HELT: variants seen among roughly 807,000 people sequenced by gnomAD.
HELT encodes the protein helt bHLH transcription factor.
In HELT, 9 loss-of-function variants were observed where a neutral mutation model predicts 19.5. The ratio of observed to expected loss-of-function variants is 0.46; its 90% CI spans 0.28 to 0.80. The LOEUF (loss-of-function observed/expected upper bound fraction) is 0.80. Ranked by LOEUF, HELT falls within the 30% of genes least tolerant of loss-of-function variation. The pLI is 0.12. For missense variants in HELT, 366 were observed against 326.3 expected (o/e 1.12, Z -0.94); for synonymous variants, 162 against 148.3 (o/e 1.09, Z -0.67).
At position 185,020,285 on chromosome 4, in the gene HELT, C is replaced by T; in HGVS notation, c.242C>T (p.Ala81Val). The T allele has an allele frequency of 6.2e-7, 1 of 1,613,404 alleles. No homozygotes were observed. The highest frequency in any genetic ancestry group is 8.5e-7 in the Non-Finnish European group (1 of 1,179,442). Residue 81 changes from alanine to valine, a missense_variant, in exon 4 of 4, where the codon GCG (alanine) becomes GTG (valine). Ala to Val is a moderately conservative substitution (Grantham distance 64, BLOSUM62 0). Transcript: ENST00000515777. Reference sequence around the variant, plus strand: ...CTCGTTCCTCCAGCAGAACTTCTAGCGGAGTTTGCCAACTACTTCCACTAT... The same window carrying T: ...CTCGTTCCTCCAGCAGAACTTCTAGTGGAGTTTGCCAACTACTTCCACTAT... ...PRGREKAELL[A>V]EFANYFHYGY... is the part of the protein sequence containing the mutation.
chr4:185,019,022 C>A, intron 1 of HELT, 67 bp downstream of exon 1: 1 of 1,614,052 alleles, frequency 6.2e-7, no homozygotes, highest in Non-Finnish European at 8.5e-7. Flanking sequence ...ACCGACCCGC[C>A]ACTTGGGTGG....
chr4:185,020,232 C>T (rs764719013), intron 3 of HELT, 41 bp from the exon 4 acceptor site: 3 of 1,590,742 alleles, frequency 1.9e-6, no homozygotes, highest in Admixed American at 1.7e-5. Context: ...GGAAGGGGCA[C>T]TCAGGGTGTG....
At position 185,020,313 on chromosome 4, in the gene HELT, C is replaced by T. The variant is rs761070823; in HGVS notation, c.270C>T (p.Gly90=). Residue 90 remains glycine, a synonymous_variant, in exon 4 of 4, where the codon GGC becomes GGT. Transcript: ENST00000515777. ...AGTTTGCCAACTACTTCCACTATGGCTACCACGAGTGCATGAAGAACCTGG... is the reference window on the plus strand; with the variant it reads ...AGTTTGCCAACTACTTCCACTATGGTTACCACGAGTGCATGAAGAACCTGG... ...LAEFANYFHY[G]YHECMKNLVH... is the part of the protein sequence containing the mutation. 6.2e-7 allele frequency: 1 copy of T among 1,614,204 alleles called. No homozygotes were observed. Among genetic ancestry groups the T allele is most frequent in the Non-Finnish European group, 8.5e-7 (1 of 1,180,034 alleles).
chr4:185,020,209 T>A, intron 3 of HELT, 64 bp from the exon 4 acceptor site: 1 of 1,570,680 alleles, frequency 6.4e-7, no homozygotes, highest in East Asian at 2.2e-5. Context: ...GCACCCGCTT[T>A]GGGCTCGCGT....
chr4:185,020,218 G>A (rs1734029532), intron 3 of HELT, 55 bp from the exon 4 acceptor site: 6 of 1,576,954 alleles, frequency 3.8e-6, no homozygotes, highest in Middle Eastern at 1.9e-4. Flanking sequence ...TTGGGCTCGC[G>A]TGGGGAAGGG....
intron 1 of HELT, 192 bp downstream of exon 1, chr4:185,019,147 G>A: frequency 6.5e-7 from 1 of 1,531,056 alleles, no homozygotes; most frequent in Non-Finnish European, 8.8e-7. Flanking sequence ...AGTCCTGCCT[G>A]GAGGCTGGCG....
Position 185,018,800 on chromosome 4 carries a change from C to G in HELT, c.-129C>G. Reference sequence around the variant, plus strand: ...GAATGCATCTGGAGCCCTAGATGACCGCTTTATAAGGCAGCCCTCGGAGTT... The same window carrying G: ...GAATGCATCTGGAGCCCTAGATGACGGCTTTATAAGGCAGCCCTCGGAGTT... On this transcript the variant is annotated 5_prime_UTR_variant, in exon 1 of 4. Transcript: ENST00000515777. 1.1e-6 allele frequency: 1 copy of G among 905,356 alleles called. No individual in the cohort carries two copies. The highest frequency in any genetic ancestry group is 1.9e-5 in the South Asian group (1 of 54,012). 56.1% of individuals were successfully genotyped at this position (905,356 alleles called of 1,614,324 possible).
At chr4:185,019,901 C>A in intron 3 of HELT, 58 bp downstream of exon 3, 1 of 1,468,136 alleles carries the variant, frequency 6.8e-7, no homozygotes. Flanking sequence ...ACCCAGAGAC[C>A]CTGGGGCTGG....
At chr4:185,019,594 G>A in intron 2 of HELT, 103 bp downstream of exon 2, 2 of 1,563,520 alleles carry the variant, frequency 1.3e-6, no homozygotes, top group South Asian at 1.2e-5. Flanking sequence ...TCACTTGCGG[G>A]CCCCTCCCAG....
At chr4:185,019,673 T>C (rs568935673) in intron 2 of HELT, 74 bp from the exon 3 acceptor site, 2 of 1,610,734 alleles carry the variant, frequency 1.2e-6, no homozygotes, top group South Asian at 1.1e-5. Context: ...GTCCGCTCGC[T>C]GGTCCTCTCC....
Position 185,018,738 on chromosome 4 carries a change from C to A in HELT, c.-191C>A. 2 of 454,106 alleles carry A rather than the reference C, an allele frequency of 4.4e-6. No homozygotes were observed. The highest frequency in any genetic ancestry group is 3.4e-5 in the East Asian group (1 of 29,184). The allele number at this position is 454,106 out of a possible 1,614,324, so 28.1% of individuals were successfully genotyped here. On this transcript the variant is annotated 5_prime_UTR_variant, in exon 1 of 4. Transcript: ENST00000515777. ...ATCTTGAATGCATACATCCTCCAAACGCAGCTCCCCTAATCCTATGGAATA... is the reference window on the plus strand; with the variant it reads ...ATCTTGAATGCATACATCCTCCAAAAGCAGCTCCCCTAATCCTATGGAATA...
Position 185,020,622 on chromosome 4 carries a change from C to T in HELT, c.579C>T (p.Ser193=), listed in dbSNP as rs764420239. The T allele has an allele frequency of 1.9e-6, 3 of 1,601,416 alleles. No individual in the cohort carries two copies. Among genetic ancestry groups the T allele is most frequent in the Non-Finnish European group, 2.5e-6 (3 of 1,178,346 alleles). ...ARSPALPYLP[S]APVPLASPAQ... Reference sequence around the variant, plus strand: ...GCCCCGCGCTGCCCTACCTGCCCAGCGCGCCAGTGCCGCTCGCTAGCCCAG... The same window carrying T: ...GCCCCGCGCTGCCCTACCTGCCCAGTGCGCCAGTGCCGCTCGCTAGCCCAG... The change falls in exon 4 of 4, where the codon AGC becomes AGT. Residue 193 remains serine (S), a synonymous_variant. Coordinates refer to ENST00000515777, the MANE Select transcript of HELT (RefSeq NM_001300781.2).
At chr4:185,020,245 C>G (rs1180938307) in intron 3 of HELT, 28 bp from the exon 4 acceptor site, 10 of 1,600,610 alleles carry the variant, frequency 6.2e-6, no homozygotes, top group South Asian at 1.1e-5. Context: ...AGGGTGTGTC[C>G]GTCCTACGGG....
chr4:185,018,895 C>T lies in HELT; in HGVS notation c.-34C>T. On this transcript the variant is annotated 5_prime_UTR_variant, in exon 1 of 4. Coordinates refer to ENST00000515777, the MANE Select transcript of HELT (RefSeq NM_001300781.2). Reference sequence around the variant, plus strand: ...CGGAAAAGTGGACGGGTGCCCCGCGCCACCGCCTCTCCCGAGGGCGCGTAC... The same window carrying T: ...CGGAAAAGTGGACGGGTGCCCCGCGTCACCGCCTCTCCCGAGGGCGCGTAC... 1 of 1,552,398 alleles carries T rather than the reference C, an allele frequency of 6.4e-7. No individual in the cohort carries two copies. The highest frequency in any genetic ancestry group is 8.7e-7 in the Non-Finnish European group (1 of 1,143,452).
In HELT at chr4:185,020,326, A is replaced by C; in HGVS notation, c.283A>C (p.Met95Leu). The C allele has an allele frequency of 6.2e-7, 1 of 1,614,206 alleles. No individual in the cohort carries two copies. The highest frequency in any genetic ancestry group is 8.5e-7 in the Non-Finnish European group (1 of 1,180,038). The change falls in exon 4 of 4, where the codon ATG becomes CTG. Residue 95 changes from methionine to leucine, a missense_variant. Transcript: ENST00000515777. ...CTTCCACTATGGCTACCACGAGTGC[A>C]TGAAGAACCTGGTGCATTACCTCAC... The part of the protein sequence containing the change: ...NYFHYGYHEC[M>L]KNLVHYLTTV...
chr4:185,020,304 C>T lies in HELT; in HGVS notation c.261C>T (p.Phe87=). Residue 87 remains phenylalanine, a synonymous_variant, in exon 4 of 4, where the codon TTC becomes TTT. Transcript: ENST00000515777. ...AELLAEFANY[F]HYGYHECMKN... is the part of the protein sequence containing the mutation. ...TTCTAGCGGAGTTTGCCAACTACTTCCACTATGGCTACCACGAGTGCATGA... is the reference window on the plus strand; with the variant it reads ...TTCTAGCGGAGTTTGCCAACTACTTTCACTATGGCTACCACGAGTGCATGA... 6.2e-7 allele frequency: 1 copy of T among 1,614,142 alleles called. No individual in the cohort carries two copies. Among genetic ancestry groups the T allele is most frequent in the East Asian group, 2.2e-5 (1 of 44,868 alleles).
intron 1 of HELT, 141 bp downstream of exon 1, chr4:185,019,096 A>AG: frequency 6.2e-7 from 1 of 1,606,440 alleles, no homozygotes; most frequent in Non-Finnish European, 8.5e-7. Flanking sequence ...TGGTTTGGGA[A>AG]GGGGGTGGGG....
At position 185,019,102 on chromosome 4, in the gene HELT, T is replaced by G. The variant is rs749508192; in HGVS notation, c.27+147T>G. On this transcript the variant is annotated intron_variant, in intron 1 of 3. Coordinates refer to ENST00000515777, the MANE Select transcript of HELT (RefSeq NM_001300781.2). ...AATCTCGAGTGGTTTGGGAAGGGGG[T>G]GGGGTAGAGAGAGGAGGGTGCTCAA... 3.5e-5 allele frequency: 56 copies of G among 1,598,702 alleles called. 1 individual carries two copies. The highest frequency in any genetic ancestry group is 4.5e-5 in the East Asian group (2 of 44,504).
rs752744535 is a variant in HELT at position 185,020,233 on chromosome 4, TC to T, written c.230-39del. The T allele has an allele frequency of 1.4e-5, 22 of 1,591,072 alleles. No individual in the cohort carries two copies. The African/African-American group carries it at 2.5e-4, about 18-fold the overall frequency. ...TTGGGCTCGCGTGGGGAAGGGGCAC[TC>T]AGGGTGTGTCCGTCCTACGGGCTTT... On this transcript the variant is annotated intron_variant, in intron 3 of 3. Transcript: ENST00000515777.
Sources: gnomAD v4.1 joint callset for allele counts on GRCh38, gnomAD v4.1.1 for gene constraint, MANE v1.5 for transcripts, NCBI Gene and HGNC (gene_info 2026-07-23, HGNC 2026-07-21) for gene names.